The following CHST13 variants were observed in gnomAD, a reference collection of about 807,000 sequenced individuals.
CHST13 encodes C4ST-3.
In CHST13, 1 loss-of-function variant was observed where a neutral mutation model predicts 7.0. The ratio of observed to expected loss-of-function variants is 0.14; its 90% confidence interval spans 0.05 to 0.68. The LOEUF (loss-of-function observed/expected upper bound fraction) is 0.68, where lower values mean the gene tolerates loss of function less well. Among genes scored for constraint, CHST13 ranks in the 30% least tolerant of loss-of-function variants. The probability of loss-of-function intolerance (pLI) is 0.82; values close to 1 mark genes in which losing one functional copy is unlikely to be tolerated. For missense variants in CHST13, 572 were observed against 507.9 expected, an observed-to-expected ratio of 1.13 and a Z score of -1.21; for synonymous variants, 257 against 240.9, an observed-to-expected ratio of 1.07 and a Z score of -0.62.
In CHST13 at chr3:126,542,236, C is replaced by T. The variant is rs1367328889; in HGVS notation, c.684C>T (p.Phe228=). 7.2e-6 allele frequency: 11 copies of T among 1,524,204 alleles called. No individual in the cohort carries two copies. The highest frequency in any genetic ancestry group is 9.6e-6 in the Non-Finnish European group (11 of 1,143,164). 94.4% of individuals were successfully genotyped at this position (1,524,204 alleles called of 1,614,324 possible). The change falls in exon 3 of 3, where the codon TTC becomes TTT. Residue 228 remains phenylalanine, a synonymous_variant. Transcript: ENST00000319340. ...ARGHDVRFAE[F]LAYLLDPRTR... ...GCCACGACGTGCGCTTCGCGGAGTTCCTGGCCTACCTGCTGGACCCGCGCA... is the reference window on the plus strand; with the variant it reads ...GCCACGACGTGCGCTTCGCGGAGTTTCTGGCCTACCTGCTGGACCCGCGCA...
chr3:126,524,517 G>T (rs995729282), intron 1 of CHST13, 88 bp downstream of exon 1: 11 of 421,522 alleles, frequency 2.6e-5, no homozygotes, highest in Non-Finnish European at 7.9e-6. Flanking sequence ...GACAGCGCGG[G>T]GGACACCTGT....
At chr3:126,541,302 A>C (rs1936951669) in intron 2 of CHST13, among the ~76,000 whole-genome samples, 1 of 152,196 alleles carries the variant, frequency 6.6e-6, no homozygotes, top group South Asian at 2.1e-4. Context: ...TATTGAGCCA[A>C]AGCAGCCCGA....
intron 1 of CHST13, chr3:126,527,374 A>T (rs1936556732): frequency 6.6e-6 from 1 of 152,236 alleles, no homozygotes; most frequent in Non-Finnish European, 1.5e-5. Flanking sequence ...ACAGGCATAG[A>T]TCTTGGGGTT....
chr3:126,541,853 G>A lies in CHST13; in HGVS notation c.301G>A (p.Val101Met). The A allele has an allele frequency of 6.3e-7, 1 of 1,586,826 alleles. No individual in the cohort carries two copies. The highest frequency in any genetic ancestry group is 8.6e-7 in the Non-Finnish European group (1 of 1,167,300). ...GCCGGAGGACCTGCGGCACGTGCTG[G>A]TGGACGACGCGCATGGCCTGCTCTA... ...LQPEDLRHVL[V>M]DDAHGLLYCY... Residue 101 changes from valine (V) to methionine (M), a missense_variant, in exon 3 of 3, where the codon GTG (valine) becomes ATG (methionine). By Grantham distance (21) the Val-to-Met change is conservative. Coordinates refer to ENST00000319340, the MANE Select transcript of CHST13 (RefSeq NM_152889.3).
In CHST13 at chr3:126,525,974, C is replaced by T. The variant is rs572500341; in HGVS notation, c.97+1545C>T. On this transcript the variant is annotated intron_variant, in intron 1 of 2. Transcript: ENST00000319340. The stretch of plus-strand genomic sequence containing the variant: ...CAGGTGTTAGGAGGACGGCTCCGAA[C>T]CTCCCTTCCCAGCCTCTGCGCAGGC... Among the ~76,000 whole-genome samples, 3 of 152,310 alleles carry T rather than the reference C, an allele frequency of 2.0e-5. No homozygotes were observed. In the East Asian group the frequency reaches 5.8e-4, roughly 29 times the overall value.
In CHST13 at chr3:126,541,821, T is replaced by C. The variant is rs990741756; in HGVS notation, c.269T>C (p.Leu90Pro). 1 of 1,564,976 alleles carries C rather than the reference T, an allele frequency of 6.4e-7. No homozygotes were observed. Among genetic ancestry groups the C allele is most frequent in the African/African-American group, 1.4e-5 (1 of 73,074 alleles). The change falls in exon 3 of 3, where the codon CTG (leucine) becomes CCG (proline). Residue 90 changes from leucine (L) to proline (P), a missense_variant. Leu to Pro is a moderately conservative substitution (Grantham distance 98). Transcript: ENST00000319340. ...AGCCGCCACTCACGCCGGCAGCGCC[T>C]GCTACAGCCGGAGGACCTGCGGCAC... The part of the protein sequence containing the change: ...ACSRHSRRQR[L>P]LQPEDLRHVL...
In CHST13 at chr3:126,536,322, G is replaced by T; in HGVS notation, c.149G>T (p.Ser50Ile). The T allele has an allele frequency of 6.2e-7, 1 of 1,613,978 alleles. No individual in the cohort carries two copies. Among genetic ancestry groups the T allele is most frequent in the Non-Finnish European group, 8.5e-7 (1 of 1,179,928 alleles). ...AGCTGGCTTGGTGGGGAGAAGAGAAGCCCCCTGCAGAAGCTCTATGACCTG... is the reference window on the plus strand; with the variant it reads ...AGCTGGCTTGGTGGGGAGAAGAGAATCCCCCTGCAGAAGCTCTATGACCTG... ...GSSWLGGEKRSPLQKLYDLDQ... is the reference protein window; with the variant it reads ...GSSWLGGEKRIPLQKLYDLDQ... Residue 50 changes from serine (S) to isoleucine (I), a missense_variant, in exon 2 of 3, where the codon AGC (serine) becomes ATC (isoleucine). Transcript: ENST00000319340.
intron 1 of CHST13, among the ~76,000 whole-genome samples, chr3:126,525,329 G>C (rs913378166): frequency 6.6e-6 from 1 of 152,174 alleles, no homozygotes; most frequent in Non-Finnish European, 1.5e-5. Context: ...AAGTAACTAG[G>C]TCCAGGGTGG....
intron 1 of CHST13, 27 bp from the exon 2 acceptor site, chr3:126,536,244 G>C (rs1292948211): frequency 1.2e-6 from 2 of 1,605,512 alleles, no homozygotes; most frequent in African/African-American, 2.7e-5. Flanking sequence ...TGATATGGTG[G>C]CGACATCTCT....
chr3:126,530,057 C>A (rs1349419189), intron 1 of CHST13, among the ~76,000 whole-genome samples: 6 of 152,198 alleles, frequency 3.9e-5, no homozygotes, highest in Admixed American at 3.9e-4. Flanking sequence ...CTGTTTGGGG[C>A]CAGCCCCCAG....
intron 1 of CHST13, among the ~76,000 whole-genome samples, chr3:126,532,030 G>A (rs1034755066): frequency 2.0e-5 from 3 of 152,222 alleles, no homozygotes; most frequent in African/African-American, 7.2e-5. Flanking sequence ...TAGTGATGTT[G>A]CGCACCTTTT....
intron 2 of CHST13, among the ~76,000 whole-genome samples, chr3:126,540,101 GAC>G (rs1259736003): frequency 2.0e-5 from 3 of 150,802 alleles, no homozygotes; most frequent in East Asian, 4.0e-4. Context: ...ACACGCACAG[GAC>G]ACACACGCAT....
In CHST13 at chr3:126,537,036, T is replaced by A. The variant is rs567153529; in HGVS notation, c.180+683T>A. On this transcript the variant is annotated intron_variant, in intron 2 of 2. Coordinates refer to ENST00000319340, the MANE Select transcript of CHST13 (RefSeq NM_152889.3). ...AAGCAGGTTGGCCAGGTCCCTCCCCTAGTGGAGCCACCAGTCCAGCAGGGG... is the reference window on the plus strand; with the variant it reads ...AAGCAGGTTGGCCAGGTCCCTCCCCAAGTGGAGCCACCAGTCCAGCAGGGG... 2.6e-5 allele frequency among the ~76,000 whole-genome samples: 4 copies of A among 152,236 alleles called. No individual in the cohort carries two copies. In the East Asian group the frequency reaches 7.7e-4, roughly 29 times the overall value.
intron 1 of CHST13, among the ~76,000 whole-genome samples, chr3:126,535,791 G>A (rs1936777547): frequency 2.0e-5 from 3 of 152,282 alleles, no homozygotes. Context: ...AGCCTAGCAA[G>A]GTGGCACTGA....
At position 126,539,687 on chromosome 3, in the gene CHST13, ACCACACACACACCACACACATATG is replaced by A. The variant is rs1341885751; in HGVS notation, c.181-2035_181-2012del. On this transcript the variant is annotated intron_variant, in intron 2 of 2. Coordinates refer to ENST00000319340, the MANE Select transcript of CHST13 (RefSeq NM_152889.3). ...TACACACAGCACATACACCACAGACACCACACACACACCACACACATATGCCACACACACCCCCCACACCACACA... is the reference window on the plus strand; with the variant it reads ...TACACACAGCACATACACCACAGACACCACACACACCCCCCACACCACACA... Among the ~76,000 whole-genome samples the A allele has an allele frequency of 4.4e-5, 5 of 114,862 alleles. No homozygotes were observed. The East Asian group carries it at 1.4e-3, about 32-fold the overall frequency. The allele number at this position is 114,862 out of a possible 152,430, so 75.4% of individuals were successfully genotyped here.
intron 1 of CHST13, among the ~76,000 whole-genome samples, chr3:126,532,906 G>A (rs935946638): frequency 2.6e-5 from 4 of 152,156 alleles, no homozygotes; most frequent in African/African-American, 9.7e-5. Flanking sequence ...AACCTGAAAT[G>A]TCTTTCCGTT....
intron 2 of CHST13, among the ~76,000 whole-genome samples, chr3:126,540,971 T>C (rs1181530832): frequency 1.3e-5 from 2 of 152,102 alleles, no homozygotes; most frequent in African/African-American, 4.8e-5. Flanking sequence ...TAGGCAGGGG[T>C]GTTAATCTTG....
At chr3:126,530,684 C>CA (rs576039969) in intron 1 of CHST13, among the ~76,000 whole-genome samples, 152 of 152,382 alleles carry the variant, frequency 1.0e-3, no homozygotes, top group African/African-American at 3.6e-3. Flanking sequence ...TCTCCCTGCA[C>CA]CAGCATGACC....
In CHST13 at chr3:126,543,152, C is replaced by G. The variant is rs1164863575; in HGVS notation, c.*574C>G. The G allele has an allele frequency of 6.6e-6, 1 of 152,234 alleles. No homozygotes were observed. The highest frequency in any genetic ancestry group is 1.5e-5 in the Non-Finnish European group (1 of 68,068). The allele number at this position is 152,234 out of a possible 1,614,324, so 9.4% of individuals were successfully genotyped here. A position where few individuals can be genotyped will look rare whatever the true frequency, so the allele number is the denominator to read the frequency against. Reference sequence around the variant, plus strand: ...GCTGGCCCTACCCAGGCGCCACCTTCGGTCTCAGTCTGGCAAGACGCTGGG... The same window carrying G: ...GCTGGCCCTACCCAGGCGCCACCTTGGGTCTCAGTCTGGCAAGACGCTGGG... On this transcript the variant is annotated 3_prime_UTR_variant, in exon 3 of 3. Coordinates refer to ENST00000319340, the MANE Select transcript of CHST13 (RefSeq NM_152889.3).
Sources: allele counts gnomAD v4.1 joint callset (sites outside exome capture counted in the v4.1 genomes callset), GRCh38; gene constraint gnomAD v4.1.1; transcripts MANE v1.5; gene names NCBI Gene and HGNC (gene_info 2026-07-23, HGNC 2026-07-21).